The following VPS13B variants were observed in gnomAD, a reference collection of about 807,000 sequenced individuals.
The protein encoded by VPS13B is intermembrane lipid transfer protein VPS13B.
A neutral mutation model predicts 426.4 loss-of-function variants in VPS13B; 285 were observed. The ratio of observed to expected loss-of-function variants is 0.67; its 90% CI spans 0.61 to 0.74. The LOEUF (loss-of-function observed/expected upper bound fraction) is 0.74. Among genes scored for constraint, VPS13B ranks in the 30% least tolerant of loss-of-function variants. VPS13B has a pLI of 0.00. For synonymous variants in VPS13B, 1,676 were observed against 1,676.4 expected (o/e 1.00, Z 0.01); for missense variants, 4,537 against 4,782.6 (o/e 0.95, Z 1.51).
intron 36 of VPS13B, among the ~76,000 whole-genome samples, chr8:99,703,975 A>G (rs1232253803): frequency 6.6e-6 from 1 of 152,144 alleles, no homozygotes; most frequent in East Asian, 1.9e-4. Flanking sequence ...TGAGCAAGTT[A>G]GGTGCCACAA....
intron 35 of VPS13B, among the ~76,000 whole-genome samples, chr8:99,688,108 G>A (rs1030671974): frequency 1.4e-4 from 21 of 147,206 alleles, no homozygotes; most frequent in Admixed American, 5.4e-4. Flanking sequence ...GGAAAGGCAA[G>A]AACTCTTTCT....
intron 30 of VPS13B, among the ~76,000 whole-genome samples, chr8:99,523,959 A>G (rs1822513322): frequency 6.6e-6 from 1 of 152,210 alleles, no homozygotes; most frequent in Non-Finnish European, 1.5e-5. Context: ...AGAATTCAAA[A>G]TAACCATTTT....
intron 12 of VPS13B, among the ~76,000 whole-genome samples, chr8:99,141,299 C>A (rs2132575376): frequency 6.6e-6 from 1 of 152,206 alleles, no homozygotes; most frequent in East Asian, 1.9e-4. Flanking sequence ...GCATTATATT[C>A]AGTTTTCATT....
chr8:99,259,360 A>T (rs1228417340), intron 17 of VPS13B, among the ~76,000 whole-genome samples: 1 of 152,116 alleles, frequency 6.6e-6, no homozygotes, highest in South Asian at 2.1e-4. Flanking sequence ...CAAAGAGAAA[A>T]TGAAAATTAG....
At chr8:99,568,387 T>C (rs1588503018) in intron 31 of VPS13B, among the ~76,000 whole-genome samples, 1 of 151,108 alleles carries the variant, frequency 6.6e-6, no homozygotes, top group East Asian at 2.0e-4. Context: ...GCCTCCCGGG[T>C]TCAAGCGATT....
intron 23 of VPS13B, among the ~76,000 whole-genome samples, chr8:99,453,233 A>G (rs550153863): frequency 6.6e-6 from 1 of 152,204 alleles, no homozygotes; most frequent in Non-Finnish European, 1.5e-5. Flanking sequence ...TCATAGTTTT[A>G]TAATCATAAT....
intron 14 of VPS13B, among the ~76,000 whole-genome samples, chr8:99,154,364 C>T (rs534739585): frequency 4.0e-5 from 6 of 151,834 alleles, no homozygotes; most frequent in African/African-American, 1.2e-4. Context: ...TGAAATATTC[C>T]GGGTTTTTTT....
At chr8:99,456,679 A>C (rs1818478102) in intron 23 of VPS13B, among the ~76,000 whole-genome samples, 2 of 152,284 alleles carry the variant, frequency 1.3e-5, no homozygotes, top group Middle Eastern at 3.4e-3. Context: ...TATCCTCTTT[A>C]TATGGTGCTG....
At chr8:99,488,689 T>C (rs1247394436) in intron 25 of VPS13B, among the ~76,000 whole-genome samples, 1 of 152,152 alleles carries the variant, frequency 6.6e-6, no homozygotes, top group Non-Finnish European at 1.5e-5. Context: ...GTGTAGGGAC[T>C]GGGCTGACTG....
chr8:99,722,395 C>T (rs897403741), intron 39 of VPS13B, among the ~76,000 whole-genome samples: 1 of 152,076 alleles, frequency 6.6e-6, no homozygotes, highest in Non-Finnish European at 1.5e-5. Flanking sequence ...GCCTCTGGTA[C>T]ATAGGTACAC....
At chr8:99,496,858 AG>A (rs1820915581) in intron 25 of VPS13B, among the ~76,000 whole-genome samples, 1 of 152,014 alleles carries the variant, frequency 6.6e-6, no homozygotes, top group African/African-American at 2.4e-5. Context: ...GTGATTTTAA[AG>A]GATTATATTC....
chr8:99,449,216 G>C (rs1818069285), intron 23 of VPS13B, among the ~76,000 whole-genome samples: 1 of 152,076 alleles, frequency 6.6e-6, no homozygotes, highest in Non-Finnish European at 1.5e-5. Context: ...TTATGGATAG[G>C]GAAGGAGAGA....
At chr8:99,301,217 A>G (rs116295599) in intron 19 of VPS13B, among the ~76,000 whole-genome samples, 3,362 of 152,144 alleles carry the variant, frequency 0.022, 121 homozygotes, top group African/African-American at 0.075. Flanking sequence ...CTTGTTTCAA[A>G]AAAAAAATTT....
chr8:99,138,845 T>C (rs1810227080), intron 12 of VPS13B, among the ~76,000 whole-genome samples: 1 of 152,206 alleles, frequency 6.6e-6, no homozygotes, highest in Admixed American at 6.5e-5. Flanking sequence ...ATTCCATGTC[T>C]TGTGAGGAGG....
intron 43 of VPS13B, among the ~76,000 whole-genome samples, chr8:99,786,884 C>A (rs1002706741): frequency 6.6e-6 from 1 of 152,110 alleles, no homozygotes; most frequent in Non-Finnish European, 1.5e-5. Flanking sequence ...ACATTCATTA[C>A]ATTCACAGTT....
intron 39 of VPS13B, among the ~76,000 whole-genome samples, chr8:99,727,691 C>T (rs969161784): frequency 2.0e-5 from 3 of 152,220 alleles, no homozygotes; most frequent in African/African-American, 7.2e-5. Flanking sequence ...CCTCCCACAA[C>T]ACGTGGGAAT....
At chr8:99,450,549 C>T (rs948753397) in intron 23 of VPS13B, among the ~76,000 whole-genome samples, 4 of 152,000 alleles carry the variant, frequency 2.6e-5, no homozygotes, top group Non-Finnish European at 5.9e-5. Flanking sequence ...CCTGTCTCTA[C>T]TAAAATACAA....
intron 20 of VPS13B, 151 bp downstream of exon 20, chr8:99,384,468 C>T (rs934099683): frequency 1.5e-6 from 1 of 677,182 alleles, no homozygotes; most frequent in South Asian, 1.9e-5. Context: ...AATTCCGTTC[C>T]CTTATTTTTG....
At chr8:99,320,546 A>G (rs1809920997) in intron 19 of VPS13B, among the ~76,000 whole-genome samples, 1 of 152,220 alleles carries the variant, frequency 6.6e-6, no homozygotes, top group Non-Finnish European at 1.5e-5. Context: ...TTACTAATGT[A>G]AGATAGAATA....
Sources: allele counts gnomAD v4.1 joint callset (sites outside exome capture counted in the v4.1 genomes callset), GRCh38; gene constraint gnomAD v4.1.1; transcripts MANE v1.5; gene names NCBI Gene and HGNC (gene_info 2026-07-23, HGNC 2026-07-21).